Variants in FNDC3B observed in about 807,000 individuals in gnomAD.
The protein encoded by FNDC3B is fibronectin type III domain containing 3B.
FNDC3B carries 12 observed loss-of-function variants against 151.5 expected under a neutral mutation model. The ratio of observed to expected loss-of-function variants is 0.08; its 90% CI spans 0.05 to 0.13. The LOEUF (loss-of-function observed/expected upper bound fraction) is 0.13, where lower values mean the gene tolerates loss of function less well. Ranked by LOEUF, FNDC3B falls within the 10% of genes least tolerant of loss-of-function variation. The probability of loss-of-function intolerance (pLI) is 1.00; values close to 1 mark genes in which losing one functional copy is unlikely to be tolerated. For synonymous variants in FNDC3B, 528 were observed against 549.0 expected (o/e 0.96, Z 0.54); for missense variants, 1,214 against 1,505.3 (o/e 0.81, Z 3.20).
intron 8 of FNDC3B, among the ~76,000 whole-genome samples, chr3:172,297,682 G>T (rs372350364): frequency 6.6e-6 from 1 of 151,952 alleles, no homozygotes; most frequent in Non-Finnish European, 1.5e-5. Context: ...CACCGTGTTA[G>T]CCAGGATGGT....
intron 1 of FNDC3B, among the ~76,000 whole-genome samples, chr3:172,080,443 A>AAT (rs5854458): frequency 0.64 from 95,719 of 149,202 alleles, 30,542 homozygotes; most frequent in East Asian, 0.76. Context: ...GCTAATTTAA[A>AAT]TTTTTTTTTT....
intron 24 of FNDC3B, among the ~76,000 whole-genome samples, chr3:172,380,220 C>T (rs1285283094): frequency 1.3e-5 from 2 of 151,718 alleles, no homozygotes; most frequent in African/African-American, 2.4e-5. Flanking sequence ...ATTCTAGTTA[C>T]AAAATAGGAA....
At chr3:172,043,090 AT>A (rs1235890913) in intron 1 of FNDC3B, among the ~76,000 whole-genome samples, 1 of 151,516 alleles carries the variant, frequency 6.6e-6, no homozygotes, top group African/African-American at 2.4e-5. Flanking sequence ...AATTTTTTGT[AT>A]TTTTTAGTAG....
chr3:172,318,434 T>G (rs1731921818), intron 11 of FNDC3B, among the ~76,000 whole-genome samples: 1 of 152,212 alleles, frequency 6.6e-6, no homozygotes, highest in Non-Finnish European at 1.5e-5. Flanking sequence ...CAGTAAGAGA[T>G]CAATTAATCA....
intron 1 of FNDC3B, among the ~76,000 whole-genome samples, chr3:172,048,495 A>T (rs1177031764): frequency 6.6e-6 from 1 of 152,196 alleles, no homozygotes; most frequent in African/African-American, 2.4e-5. Context: ...ATCCTTGTGT[A>T]TTGCATGTTG....
chr3:172,071,512 T>A (rs1717771089), intron 1 of FNDC3B, among the ~76,000 whole-genome samples: 1 of 152,192 alleles, frequency 6.6e-6, no homozygotes, highest in Admixed American at 6.5e-5. Flanking sequence ...TATATGTGTA[T>A]ATAGTCCATT....
chr3:172,050,145 G>C (rs1359947458), intron 1 of FNDC3B, among the ~76,000 whole-genome samples: 3 of 151,970 alleles, frequency 2.0e-5, no homozygotes, highest in Non-Finnish European at 4.4e-5. Flanking sequence ...AGATGGGCAA[G>C]ATTTTCATTA....
intron 20 of FNDC3B, 105 bp downstream of exon 20, chr3:172,346,545 ATT>A (rs55676402): frequency 0.012 from 5,543 of 443,974 alleles, no homozygotes; most frequent in South Asian, 0.031. Flanking sequence ...CATATAGATG[ATT>A]TTTTTTTTTT....
chr3:172,186,962 G>T (rs1276007718), intron 3 of FNDC3B: 1 of 486,362 alleles, frequency 2.1e-6, no homozygotes, highest in Non-Finnish European at 3.6e-6. Flanking sequence ...TAAAAGCAAG[G>T]AACTATATTA....
In FNDC3B at chr3:172,171,791, GAA is replaced by G. The variant is rs5854462; in HGVS notation, c.187+38257_187+38258del. 7.0e-4 allele frequency among the ~76,000 whole-genome samples: 100 copies of G among 142,628 alleles called. 1 individual carries two copies. Among genetic ancestry groups the G allele is most frequent in the Non-Finnish European group, 3.9e-4 (25 of 64,932 alleles). 93.6% of individuals were successfully genotyped at this position (142,628 alleles called of 152,430 possible). On this transcript the variant is annotated intron_variant, in intron 3 of 25. Transcript: ENST00000415807. The stretch of plus-strand genomic sequence containing the variant: ...ATTACTAATAAAAGGACTTTGAAAT[GAA>G]AAAAAAAAAAATCCAATAGTGGGGT...
At chr3:172,313,598 A>G (rs1217539629) in intron 11 of FNDC3B, among the ~76,000 whole-genome samples, 6 of 152,240 alleles carry the variant, frequency 3.9e-5, no homozygotes. Context: ...CGTAGTAAAG[A>G]TAACTGTGAT....
rs567117586 is a variant in FNDC3B at position 172,188,064 on chromosome 3, C to T, written c.188-38807C>T. Among the ~76,000 whole-genome samples the T allele has an allele frequency of 2.5e-3, 366 of 146,032 alleles. 3 individuals carry two copies. The highest frequency in any genetic ancestry group is 3.7e-3 in the Non-Finnish European group (245 of 67,016). On this transcript the variant is annotated intron_variant, in intron 3 of 25. Transcript: ENST00000415807. ...AGGCTGGAGTGCAATGGCGCGATCT[C>T]GGCTCACTGCAACCTCCGCCTCCCA...
At chr3:172,328,604 CTAAG>C (rs1732473217) in intron 11 of FNDC3B, among the ~76,000 whole-genome samples, 2 of 152,178 alleles carry the variant, frequency 1.3e-5, no homozygotes, top group Non-Finnish European at 2.9e-5. Context: ...TTGGGCCAAT[CTAAG>C]TAAGGAGGAG....
chr3:172,142,845 T>C (rs1447602098), intron 3 of FNDC3B, among the ~76,000 whole-genome samples: 1 of 152,208 alleles, frequency 6.6e-6, no homozygotes, highest in Non-Finnish European at 1.5e-5. Flanking sequence ...TTCTGGAGGC[T>C]GGGAAATCCA....
chr3:172,396,531 G>T (rs71310507), intron 25 of FNDC3B, among the ~76,000 whole-genome samples: 11 of 151,992 alleles, frequency 7.2e-5, no homozygotes, highest in African/African-American at 2.7e-4. Flanking sequence ...TAAATCAGGG[G>T]TCCCCAACCC....
intron 1 of FNDC3B, among the ~76,000 whole-genome samples, chr3:172,110,776 A>G (rs1380544917): frequency 2.0e-5 from 3 of 152,074 alleles, no homozygotes. Flanking sequence ...CAGACCCCCT[A>G]ATGTAAATAA....
intron 4 of FNDC3B, among the ~76,000 whole-genome samples, chr3:172,243,776 A>T (rs1727628042): frequency 6.6e-6 from 1 of 152,204 alleles, no homozygotes; most frequent in Non-Finnish European, 1.5e-5. Flanking sequence ...ATATGACCTC[A>T]TTTCACCTTA....
intron 3 of FNDC3B, among the ~76,000 whole-genome samples, chr3:172,180,028 C>T (rs1299266721): frequency 6.6e-6 from 1 of 152,140 alleles, no homozygotes; most frequent in Non-Finnish European, 1.5e-5. Flanking sequence ...AAGCCTCACT[C>T]TGACCTAATG....
chr3:172,392,153 T>C (rs1433192590), intron 25 of FNDC3B, among the ~76,000 whole-genome samples: 1 of 152,170 alleles, frequency 6.6e-6, no homozygotes, highest in Non-Finnish European at 1.5e-5. Flanking sequence ...TTTAGATTCA[T>C]TATTGGAACT....
Sources: gnomAD v4.1 joint callset for allele counts (sites outside exome capture counted in the v4.1 genomes callset) on GRCh38, gnomAD v4.1.1 for gene constraint, MANE v1.5 for transcripts, NCBI Gene and HGNC (gene_info 2026-07-23, HGNC 2026-07-21) for gene names.